Variants in ABCB1 observed in about 807,000 individuals in gnomAD.
ABCB1 encodes the protein ATP binding cassette subfamily B member 1, also known as ATP-dependent translocase ABCB1.
A neutral mutation model predicts 142.0 loss-of-function variants in ABCB1; 69 were observed. The ratio of observed to expected loss-of-function variants is 0.49; its 90% CI spans 0.40 to 0.59. The LOEUF (loss-of-function observed/expected upper bound fraction) is 0.59, where lower values mean the gene tolerates loss of function less well. ABCB1 is among the 20% of genes least tolerant of loss of function. The probability of loss-of-function intolerance (pLI) is 0.00; values close to 1 mark genes in which losing one functional copy is unlikely to be tolerated. For missense variants in ABCB1, 1,326 were observed against 1,554.7 expected (o/e 0.85, Z 2.47); for synonymous variants, 532 against 539.2 (o/e 0.99, Z 0.18).
intron 1 of ABCB1, among the ~76,000 whole-genome samples, chr7:87,615,747 TA>T (rs1820013947): frequency 6.6e-6 from 1 of 152,152 alleles, no homozygotes; most frequent in South Asian, 2.1e-4. Flanking sequence ...AATAGCCTAT[TA>T]ATAAGAAGTG....
intron 25 of ABCB1, among the ~76,000 whole-genome samples, chr7:87,514,458 A>G (rs959045963): frequency 2.0e-5 from 3 of 152,094 alleles, no homozygotes; most frequent in African/African-American, 7.2e-5. Context: ...ACAAAAGGGC[A>G]TACTTCCATG....
chr7:87,706,208 G>A (rs1829572460), intron 1 of ABCB1, among the ~76,000 whole-genome samples: 1 of 152,146 alleles, frequency 6.6e-6, no homozygotes, highest in African/African-American at 2.4e-5. Context: ...ACCAGGCTAA[G>A]CAAGCTGAAG....
At chr7:87,507,701 C>T (rs764920119) in intron 26 of ABCB1, among the ~76,000 whole-genome samples, 21 of 152,220 alleles carry the variant, frequency 1.4e-4, no homozygotes, top group Non-Finnish European at 3.1e-4. Context: ...ACTGTCTTCC[C>T]CGCCGGGTTG....
At chr7:87,577,736 G>A (rs1450431274) in intron 4 of ABCB1, among the ~76,000 whole-genome samples, 1 of 152,150 alleles carries the variant, frequency 6.6e-6, no homozygotes, top group Admixed American at 6.5e-5. Flanking sequence ...TTTGAGAAAT[G>A]TCTATTCAGA....
chr7:87,622,798 A>C (rs1820271342), intron 1 of ABCB1, among the ~76,000 whole-genome samples: 1 of 152,226 alleles, frequency 6.6e-6, no homozygotes, highest in Admixed American at 6.5e-5. Context: ...TGAGGGGCCA[A>C]GAAGGGAGGA....
chr7:87,626,118 T>C (rs185201235), intron 1 of ABCB1, among the ~76,000 whole-genome samples: 1,460 of 137,640 alleles, frequency 0.011, 204 homozygotes, highest in African/African-American at 0.04. Flanking sequence ...ATATGTGTCA[T>C]ATATATTGTC....
intron 1 of ABCB1, chr7:87,694,029 C>T (rs1193364183): frequency 2.5e-6 from 4 of 1,587,864 alleles, no homozygotes; most frequent in Non-Finnish European, 3.4e-6. Flanking sequence ...CGGGGGAGGG[C>T]TGTATCAGTT....
chr7:87,660,571 T>G (rs1399966893), intron 1 of ABCB1, among the ~76,000 whole-genome samples: 1 of 152,016 alleles, frequency 6.6e-6, no homozygotes, highest in Non-Finnish European at 1.5e-5. Context: ...TGCCAGAGAT[T>G]TGTCTGTTTT....
intron 1 of ABCB1, among the ~76,000 whole-genome samples, chr7:87,655,110 CATT>C (rs1249668509): frequency 6.6e-6 from 1 of 152,004 alleles, no homozygotes; most frequent in Non-Finnish European, 1.5e-5. Flanking sequence ...TTACAGAAAA[CATT>C]ATGGAGGTTC....
intron 27 of ABCB1, 81 bp downstream of exon 27, chr7:87,505,816 A>C (rs1254847995): frequency 1.3e-6 from 2 of 1,538,916 alleles, no homozygotes; most frequent in African/African-American, 2.7e-5. Context: ...ATCTGGCTGC[A>C]TTTTGTTCTT....
chr7:87,699,577 T>C (rs916893399), intron 1 of ABCB1, among the ~76,000 whole-genome samples: 8 of 152,288 alleles, frequency 5.3e-5, no homozygotes, highest in Admixed American at 1.3e-4. Flanking sequence ...AGCTAGTTTT[T>C]GTATTTTTAG....
rs371224604 is a variant in ABCB1, at chr7:87,504,674, G to A, written c.3637-225C>T. On this transcript the variant is annotated intron_variant, in intron 27 of 27. Coordinates refer to ENST00000622132, the MANE Select transcript of ABCB1 (RefSeq NM_001348946.2). The stretch of plus-strand genomic sequence containing the variant: ...CAAAAAATTAGCTGGGCTTGGTGGT[G>A]GGTGCCTGTAGTCCCAGCTAGTCGG... Among the ~76,000 whole-genome samples the A allele has an allele frequency of 3.6e-4, 55 of 152,124 alleles. No individual in the cohort carries two copies. In the East Asian group the frequency reaches 4.9e-3, roughly 13 times the overall value.
chr7:87,615,259 G>A (rs904337834), intron 1 of ABCB1, among the ~76,000 whole-genome samples: 3 of 152,122 alleles, frequency 2.0e-5, no homozygotes, highest in Admixed American at 6.5e-5. Context: ...ACAGAGTAAG[G>A]GCTTCCTCAA....
chr7:87,662,299 T>C (rs376709185), intron 1 of ABCB1, among the ~76,000 whole-genome samples: 175 of 152,276 alleles, frequency 1.1e-3, no homozygotes, highest in African/African-American at 4.0e-3. Flanking sequence ...CCTGTTCTTA[T>C]GGGGTGTCAG....
At chr7:87,655,256 A>G (rs2130406506) in intron 1 of ABCB1, among the ~76,000 whole-genome samples, 1 of 152,312 alleles carries the variant, frequency 6.6e-6, no homozygotes, top group Non-Finnish European at 1.5e-5. Context: ...TGTCTCGAAG[A>G]GTTATCTCTA....
chr7:87,631,205 TTGTC>T (rs984207143), intron 1 of ABCB1, among the ~76,000 whole-genome samples: 1 of 152,200 alleles, frequency 6.6e-6, no homozygotes, highest in African/African-American at 2.4e-5. Context: ...ATGATAGGCT[TTGTC>T]TGAATGACTT....
At chr7:87,612,037 G>A (rs1213997612) in intron 1 of ABCB1, among the ~76,000 whole-genome samples, 1 of 152,080 alleles carries the variant, frequency 6.6e-6, no homozygotes, top group Non-Finnish European at 1.5e-5. Context: ...TTTTCCCACT[G>A]AATCTTGGCA....
upstream of ABCB1, among the ~76,000 whole-genome samples, chr7:87,604,755 A>C (rs1819586825): frequency 6.6e-6 from 1 of 152,162 alleles, no homozygotes; most frequent in Non-Finnish European, 1.5e-5. Context: ...AAATTAATTT[A>C]ATTTTAATTA....
chr7:87,586,347 C>A (rs1818753091), intron 3 of ABCB1, among the ~76,000 whole-genome samples: 1 of 151,994 alleles, frequency 6.6e-6, no homozygotes, highest in African/African-American at 2.4e-5. Context: ...TTCTCTGAAC[C>A]CAAAAAGTTA....
Sources: gnomAD v4.1 joint callset for allele counts (sites outside exome capture counted in the v4.1 genomes callset) on GRCh38, gnomAD v4.1.1 for gene constraint, MANE v1.5 for transcripts, NCBI Gene and HGNC (gene_info 2026-07-23, HGNC 2026-07-21) for gene names.